The following LDLRAD4 variants were observed in gnomAD, a reference collection of about 807,000 sequenced individuals.
LDLRAD4 encodes low density lipoprotein receptor class A domain containing 4, also known as low-density lipoprotein receptor class A domain-containing protein 4.
LDLRAD4 carries 5 observed loss-of-function variants against 17.0 expected under a neutral mutation model. That is an observed-to-expected ratio of 0.29 (90% CI 0.15 to 0.62). The LOEUF is 0.62. LDLRAD4 is among the 20% of genes least tolerant of loss of function. LDLRAD4 has a pLI of 0.84. For missense variants in LDLRAD4, 340 were observed against 424.7 expected (o/e 0.80, Z 1.75); for synonymous variants, 168 against 171.8 (o/e 0.98, Z 0.17).
Position 13,538,530 on chromosome 18 carries a change from A to AT in LDLRAD4, c.182-82573dup, listed in dbSNP as rs932338314. Among the ~76,000 whole-genome samples the AT allele has an allele frequency of 3.3e-4, 48 of 144,536 alleles. No individual in the cohort carries two copies. The East Asian group carries it at 5.2e-3, about 16-fold the overall frequency. 94.8% of individuals were successfully genotyped at this position (144,536 alleles called of 152,430 possible). ...CTCATTTAAAATTTTGATGTCTATG[A>AT]TTTTTTTTTTTTTTGAGACAAGGTC... On this transcript the variant is annotated intron_variant, in intron 3 of 5. Transcript: ENST00000359446.
rs1265333940 is a variant in LDLRAD4 at position 13,223,655 on chromosome 18, C to T, written c.-467+4667C>T. On this transcript the variant is annotated intron_variant, in intron 1 of 5. Transcript: ENST00000399848. ...AGGCCAGGCTGCTTTCCGAAGGGCT[C>T]CCTGACCTCTAACCAGGGCACGTGG... Among the ~76,000 whole-genome samples the T allele has an allele frequency of 3.9e-5, 6 of 152,284 alleles. No homozygotes were observed. In the East Asian group the frequency reaches 1.2e-3, roughly 29 times the overall value.
intron 3 of LDLRAD4, among the ~76,000 whole-genome samples, chr18:13,601,533 A>G (rs1244537522): frequency 6.6e-6 from 1 of 152,086 alleles, no homozygotes; most frequent in African/African-American, 2.4e-5. Flanking sequence ...GGGCGCCTGT[A>G]GTCCCAGCTA....
chr18:13,450,337 C>CA (rs58528433), intron 3 of LDLRAD4, among the ~76,000 whole-genome samples: 5,894 of 115,454 alleles, frequency 0.051, 406 homozygotes, highest in South Asian at 0.14. Context: ...CCCCCCCCCC[C>CA]AAAAAAACAC....
chr18:13,437,351 A>G (rs1253912040), intron 2 of LDLRAD4, among the ~76,000 whole-genome samples: 1 of 152,200 alleles, frequency 6.6e-6, no homozygotes. Flanking sequence ...CCAAGCCCAC[A>G]CTCAGAATGC....
At chr18:13,323,042 A>G (rs17681051) in intron 1 of LDLRAD4, among the ~76,000 whole-genome samples, 23,573 of 152,272 alleles carry the variant, frequency 0.15, 2,495 homozygotes, top group Non-Finnish European at 0.23. Flanking sequence ...CAAAATTGGT[A>G]GCAGCATCTC....
At chr18:13,445,409 G>A (rs997552112) in intron 3 of LDLRAD4, among the ~76,000 whole-genome samples, 2 of 151,944 alleles carry the variant, frequency 1.3e-5, no homozygotes, top group Non-Finnish European at 2.9e-5. Context: ...TCCATGTGGT[G>A]TGTGCATGCA....
At chr18:13,503,383 C>T (rs2093643390) in intron 3 of LDLRAD4, among the ~76,000 whole-genome samples, 1 of 152,236 alleles carries the variant, frequency 6.6e-6, no homozygotes, top group Non-Finnish European at 1.5e-5. Flanking sequence ...GTCCCTGCCA[C>T]CAGGTGCTTG....
intron 1 of LDLRAD4, among the ~76,000 whole-genome samples, chr18:13,284,930 G>T (rs983290473): frequency 6.6e-6 from 1 of 152,178 alleles, no homozygotes; most frequent in Non-Finnish European, 1.5e-5. Flanking sequence ...GAGGGCAGTC[G>T]CAGGGAGGGG....
intron 3 of LDLRAD4, chr18:13,461,219 G>A (rs1021010966): frequency 9.8e-5 from 15 of 152,376 alleles, no homozygotes; most frequent in African/African-American, 3.4e-4. Flanking sequence ...ACAGAAGATC[G>A]GTAGGCAGGG....
intron 3 of LDLRAD4, among the ~76,000 whole-genome samples, chr18:13,499,718 G>A (rs965207662): frequency 2.5e-4 from 37 of 148,832 alleles, no homozygotes; most frequent in Non-Finnish European, 1.0e-4. Flanking sequence ...CACATGTCCC[G>A]CCGTGGACAC....
chr18:13,390,629 GC>G (rs2086198176), intron 2 of LDLRAD4, among the ~76,000 whole-genome samples: 1 of 152,076 alleles, frequency 6.6e-6, no homozygotes, highest in East Asian at 1.9e-4. Flanking sequence ...TCAGAGAGAG[GC>G]CAGGGTGCTT....
At chr18:13,248,063 C>T (rs533765163) in intron 1 of LDLRAD4, among the ~76,000 whole-genome samples, 23 of 150,374 alleles carry the variant, frequency 1.5e-4, no homozygotes, top group Admixed American at 9.3e-4. Context: ...CAGGATCAAG[C>T]GATTCTACTG....
chr18:13,536,866 A>G (rs2094207609), intron 3 of LDLRAD4, among the ~76,000 whole-genome samples: 1 of 152,164 alleles, frequency 6.6e-6, no homozygotes, highest in South Asian at 2.1e-4. Context: ...CTTTTTCTGC[A>G]TCTATTGAAA....
chr18:13,310,042 TC>T (rs1299218357), intron 1 of LDLRAD4, among the ~76,000 whole-genome samples: 7 of 152,178 alleles, frequency 4.6e-5, no homozygotes, highest in African/African-American at 1.7e-4. Flanking sequence ...TTCTTTCCTT[TC>T]AGAGGAGACA....
chr18:13,571,327 C>G (rs565307023), intron 3 of LDLRAD4, among the ~76,000 whole-genome samples: 1 of 152,342 alleles, frequency 6.6e-6, no homozygotes, highest in East Asian at 1.9e-4. Flanking sequence ...TGCCAATCCC[C>G]TGTAGCTTCC....
chr18:13,436,959 A>G (rs1347230631), intron 2 of LDLRAD4, among the ~76,000 whole-genome samples: 5 of 152,258 alleles, frequency 3.3e-5, no homozygotes, highest in South Asian at 2.1e-4. Context: ...GTTCACAAAA[A>G]TACTTTGAGG....
intron 3 of LDLRAD4, among the ~76,000 whole-genome samples, chr18:13,469,911 C>T (rs558328055): frequency 3.0e-4 from 45 of 152,176 alleles, no homozygotes; most frequent in Non-Finnish European, 1.5e-5. Flanking sequence ...CTGGCCTGGG[C>T]AACATAGTGA....
At chr18:13,449,506 C>G (rs892528436) in intron 3 of LDLRAD4, among the ~76,000 whole-genome samples, 3 of 152,234 alleles carry the variant, frequency 2.0e-5, no homozygotes, top group African/African-American at 7.2e-5. Flanking sequence ...TGGGGTGACC[C>G]CCAGGCTCAT....
chr18:13,445,779 G>C (rs990606198), intron 3 of LDLRAD4, among the ~76,000 whole-genome samples: 6 of 151,382 alleles, frequency 4.0e-5, no homozygotes, highest in Non-Finnish European at 8.9e-5. Flanking sequence ...GTGTGTGTGT[G>C]TGAGGTTGAG....
Sources: gnomAD v4.1 joint callset for allele counts (sites outside exome capture counted in the v4.1 genomes callset) on GRCh38, gnomAD v4.1.1 for gene constraint, MANE v1.5 for transcripts, NCBI Gene and HGNC (gene_info 2026-07-23, HGNC 2026-07-21) for gene names.